AFF3: variants seen among roughly 807,000 people sequenced by gnomAD.
AFF3 encodes AF4/FMR2 family member 3.
A neutral mutation model predicts 129.7 loss-of-function variants in AFF3; 32 were observed. The observed-to-expected ratio is 0.25, with a 90% CI of 0.19 to 0.33. The LOEUF (loss-of-function observed/expected upper bound fraction) is 0.33, where lower values mean the gene tolerates loss of function less well. Among genes scored for constraint, AFF3 ranks in the 10% least tolerant of loss-of-function variants. AFF3 has a pLI of 1.00. For missense variants in AFF3, 1,373 were observed against 1,592.0 expected, an observed-to-expected ratio of 0.86 and a Z score of 2.34; for synonymous variants, 644 against 635.4, an observed-to-expected ratio of 1.01 and a Z score of -0.20.
intron 2 of AFF3, among the ~76,000 whole-genome samples, chr2:100,117,918 AC>A (rs2105547792): frequency 6.6e-6 from 1 of 152,268 alleles, no homozygotes; most frequent in African/African-American, 2.4e-5. Flanking sequence ...CAGTATTCCA[AC>A]CCAAATGATA....
At chr2:99,884,377 T>C (rs6713944) in intron 7 of AFF3, among the ~76,000 whole-genome samples, 58,996 of 151,952 alleles carry the variant, frequency 0.39, 11,749 homozygotes, top group East Asian at 0.52. Context: ...TAACTATAGT[T>C]ACCACGCTTA....
chr2:99,698,554 C>T (rs1277746498), intron 11 of AFF3, among the ~76,000 whole-genome samples: 2 of 152,230 alleles, frequency 1.3e-5, no homozygotes, highest in African/African-American at 2.4e-5. Flanking sequence ...CAGTGGAACA[C>T]TTTTGTATCA....
intron 13 of AFF3, among the ~76,000 whole-genome samples, chr2:99,603,439 T>G (rs1680032258): frequency 6.6e-6 from 1 of 152,170 alleles, no homozygotes; most frequent in African/African-American, 2.4e-5. Context: ...TGCAGAAGAC[T>G]GAAACTGGAC....
intron 7 of AFF3, among the ~76,000 whole-genome samples, chr2:100,001,944 T>C (rs903081297): frequency 6.6e-6 from 1 of 152,218 alleles, no homozygotes; most frequent in Non-Finnish European, 1.5e-5. Flanking sequence ...GGACGGAAGC[T>C]GCCCATCGAG....
rs145361830 is a variant in AFF3, at chr2:99,998,926, T to C, written c.873+7706A>G. Among the ~76,000 whole-genome samples, 4 of 152,312 alleles carry C rather than the reference T, an allele frequency of 2.6e-5. No homozygotes were observed. In the East Asian group the frequency reaches 7.7e-4, roughly 29 times the overall value. On this transcript the variant is annotated intron_variant, in intron 7 of 24. Coordinates refer to ENST00000672756, the MANE Select transcript of AFF3 (RefSeq NM_001386135.1). ...CTTTCGTACATTAAAACCTAGTTCA[T>C]GTGGCAGAGACGCTGGAAATGTGGG...
intron 13 of AFF3, among the ~76,000 whole-genome samples, chr2:99,629,612 T>G (rs533074925): frequency 4.1e-4 from 63 of 152,304 alleles, no homozygotes; most frequent in African/African-American, 9.6e-4. Context: ...CTCAGTCGGT[T>G]TGGGCTGGCT....
At position 99,546,447 on chromosome 2, in the gene AFF3, T is replaced by G. The variant is rs756188024; in HGVS notation, c.*5027A>C. The G allele has an allele frequency of 1.3e-5, 3 of 232,872 alleles. No homozygotes were observed. The highest frequency in any genetic ancestry group is 6.0e-5 in the East Asian group (1 of 16,546). 14.4% of individuals were successfully genotyped at this position (232,872 alleles called of 1,614,324 possible). ...TGCCCATCTGCAAACAAACCCTTTCTGCATTTTTCTCTCTAGACACGAGTG... is the reference window on the plus strand; with the variant it reads ...TGCCCATCTGCAAACAAACCCTTTCGGCATTTTTCTCTCTAGACACGAGTG... On this transcript the variant is annotated 3_prime_UTR_variant, in exon 25 of 25. Transcript: ENST00000672756.
At chr2:99,634,115 A>C (rs1683391522) in intron 13 of AFF3, among the ~76,000 whole-genome samples, 1 of 152,006 alleles carries the variant, frequency 6.6e-6, no homozygotes, top group Admixed American at 6.6e-5. Context: ...GGGTTTCACC[A>C]TGTTGGCCAG....
At chr2:99,725,482 A>G (rs1679293045) in intron 11 of AFF3, among the ~76,000 whole-genome samples, 1 of 152,120 alleles carries the variant, frequency 6.6e-6, no homozygotes, top group Non-Finnish European at 1.5e-5. Flanking sequence ...GGTGTCTGCC[A>G]CCACACCCAG....
chr2:99,714,020 ACT>A (rs1195620172), intron 11 of AFF3, among the ~76,000 whole-genome samples: 1 of 151,554 alleles, frequency 6.6e-6, no homozygotes, highest in Non-Finnish European at 1.5e-5. Flanking sequence ...AATTTTATAA[ACT>A]CTCTTTTACG....
chr2:99,707,312 A>T, intron 11 of AFF3: 1 of 985,150 alleles, frequency 1.0e-6, no homozygotes, highest in African/African-American at 1.7e-5. Context: ...AGATTAAAGA[A>T]AAAAAAATCA....
intron 8 of AFF3, among the ~76,000 whole-genome samples, chr2:99,804,941 T>C (rs184059488): frequency 3.6e-4 from 54 of 152,098 alleles, no homozygotes; most frequent in Admixed American, 1.8e-3. Flanking sequence ...GAGGGAAAGA[T>C]GAAATGCGGG....
At chr2:99,571,225 G>A (rs747196166) in intron 18 of AFF3, among the ~76,000 whole-genome samples, 7 of 152,084 alleles carry the variant, frequency 4.6e-5, no homozygotes, top group Non-Finnish European at 7.4e-5. Context: ...GCCAGAGAGT[G>A]TCTCCATGGC....
At chr2:99,978,071 C>T (rs1373009345) in intron 7 of AFF3, among the ~76,000 whole-genome samples, 2 of 152,174 alleles carry the variant, frequency 1.3e-5, no homozygotes, top group African/African-American at 4.8e-5. Flanking sequence ...AGAACGTTCA[C>T]CTGGGCAGTA....
At chr2:99,737,440 T>TA (rs1680348612) in intron 10 of AFF3, among the ~76,000 whole-genome samples, 1 of 69,212 alleles carries the variant, frequency 1.4e-5, no homozygotes, top group Non-Finnish European at 3.6e-5. Flanking sequence ...CTTGACTCAT[T>TA]AAATTTTTTT....
At chr2:99,972,480 C>A (rs1678484420) in intron 7 of AFF3, among the ~76,000 whole-genome samples, 1 of 152,224 alleles carries the variant, frequency 6.6e-6, no homozygotes, top group African/African-American at 2.4e-5. Context: ...CAAAGAGTGA[C>A]ACCACACACA....
At chr2:99,805,786 G>A (rs1012440848) in intron 8 of AFF3, among the ~76,000 whole-genome samples, 6 of 149,198 alleles carry the variant, frequency 4.0e-5, no homozygotes, top group African/African-American at 9.8e-5. Context: ...AATGCTTAGC[G>A]CAGGAAACAT....
At chr2:99,857,157 G>C (rs1357198259) in intron 7 of AFF3, among the ~76,000 whole-genome samples, 1 of 152,146 alleles carries the variant, frequency 6.6e-6, no homozygotes, top group East Asian at 1.9e-4. Flanking sequence ...AGAAACATCT[G>C]TGAAACTGAT....
At chr2:99,978,570 G>A (rs564504885) in intron 7 of AFF3, among the ~76,000 whole-genome samples, 28 of 152,284 alleles carry the variant, frequency 1.8e-4, no homozygotes, top group African/African-American at 6.0e-4. Flanking sequence ...AAGGTGCCAC[G>A]TGTGTGCATG....
Sources: gnomAD v4.1 joint callset for allele counts (sites outside exome capture counted in the v4.1 genomes callset) on GRCh38, gnomAD v4.1.1 for gene constraint, MANE v1.5 for transcripts, NCBI Gene and HGNC (gene_info 2026-07-23, HGNC 2026-07-21) for gene names.